The following SLC24A2 variants were observed in gnomAD, a reference collection of about 807,000 sequenced individuals.
SLC24A2 encodes the protein solute carrier family 24 member 2.
A neutral mutation model predicts 62.0 loss-of-function variants in SLC24A2; 36 were observed. The observed-to-expected ratio is 0.58, with a 90% CI of 0.44 to 0.77. The LOEUF is 0.77. Among genes scored for constraint, SLC24A2 ranks in the 30% least tolerant of loss-of-function variants. The pLI is 0.00. For missense variants in SLC24A2, 846 were observed against 817.9 expected (o/e 1.03, Z -0.42); for synonymous variants, 358 against 294.0 (o/e 1.22, Z -2.23).
intron 5 of SLC24A2, among the ~76,000 whole-genome samples, chr9:19,592,223 G>A (rs113267322): frequency 0.02 from 3,101 of 152,290 alleles, 43 homozygotes; most frequent in Non-Finnish European, 0.027. Flanking sequence ...TAAAGGGGCA[G>A]TTGGTTGCCA....
At chr9:20,103,701 A>C in the SLC24A2 span, among the ~76,000 whole-genome samples, 4 of 152,208 alleles carry the variant, frequency 2.6e-5, no homozygotes, top group African/African-American at 9.7e-5. Context: ...CCACCTGTAC[A>C]TCACCATCAT....
At chr9:20,016,821 A>G in the SLC24A2 span, among the ~76,000 whole-genome samples, 2 of 152,178 alleles carry the variant, frequency 1.3e-5, no homozygotes, top group South Asian at 4.1e-4. Flanking sequence ...GAGGAGAGTG[A>G]AACCACAGAA....
the SLC24A2 span, among the ~76,000 whole-genome samples, chr9:19,827,575 C>T: frequency 1.3e-5 from 2 of 151,960 alleles, no homozygotes; most frequent in Admixed American, 6.6e-5. Context: ...TATATTTTTA[C>T]ATTTCTGGAA....
the SLC24A2 span, among the ~76,000 whole-genome samples, chr9:20,201,480 G>C: frequency 7.9e-5 from 12 of 152,180 alleles, no homozygotes; most frequent in African/African-American, 2.4e-4. Flanking sequence ...GACAGTAACA[G>C]CTCGACAATT....
chr9:19,988,934 A>C, the SLC24A2 span, among the ~76,000 whole-genome samples: 1 of 152,204 alleles, frequency 6.6e-6, no homozygotes, highest in African/African-American at 2.4e-5. Flanking sequence ...AAAGATGCTC[A>C]CAGACATTAG....
chr9:20,150,955 T>G, the SLC24A2 span, among the ~76,000 whole-genome samples: 2 of 151,958 alleles, frequency 1.3e-5, no homozygotes, highest in Non-Finnish European at 2.9e-5. Flanking sequence ...AGGGAATATG[T>G]ATTACTCTTA....
chr9:19,780,134 C>T (rs762697637), intron 2 of SLC24A2, among the ~76,000 whole-genome samples: 1 of 152,184 alleles, frequency 6.6e-6, no homozygotes, highest in African/African-American at 2.4e-5. Context: ...AAATTCTAGA[C>T]TTCGAATTAT....
the SLC24A2 span, among the ~76,000 whole-genome samples, chr9:20,049,801 G>A: frequency 2.6e-5 from 4 of 152,118 alleles, no homozygotes; most frequent in East Asian, 1.9e-4. Context: ...AGTTTTGGCA[G>A]CAATCACTGG....
the SLC24A2 span, among the ~76,000 whole-genome samples, chr9:20,186,610 A>G: frequency 1.3e-5 from 2 of 152,170 alleles, no homozygotes; most frequent in Non-Finnish European, 2.9e-5. Context: ...AGCATTCCCA[A>G]GTTCAAATCC....
the SLC24A2 span, among the ~76,000 whole-genome samples, chr9:20,144,628 G>A: frequency 6.6e-6 from 1 of 152,264 alleles, no homozygotes; most frequent in South Asian, 2.1e-4. Flanking sequence ...AGGGTAGTGG[G>A]TGCAGGCATC....
chr9:20,001,615 A>G, the SLC24A2 span, among the ~76,000 whole-genome samples: 4 of 152,166 alleles, frequency 2.6e-5, no homozygotes, highest in East Asian at 3.9e-4. Context: ...AGTTTGGTGG[A>G]TATTCATCTC....
At chr9:19,544,255 C>CTTTCT in intron 8 of SLC24A2, among the ~76,000 whole-genome samples, 1 of 124,028 alleles carries the variant, frequency 8.1e-6, no homozygotes, top group African/African-American at 3.1e-5. Flanking sequence ...GCAACCCCTG[C>CTTTCT]TTTTTTTTTT....
chr9:20,155,170 G>A, the SLC24A2 span, among the ~76,000 whole-genome samples: 3 of 151,260 alleles, frequency 2.0e-5, no homozygotes, highest in African/African-American at 7.3e-5. Context: ...AAACTAGGGT[G>A]GCAATTAGCT....
Position 19,606,044 on chromosome 9 carries a change from T to G in SLC24A2, c.1079-8765A>C, listed in dbSNP as rs191833580. On this transcript the variant is annotated intron_variant, in intron 4 of 10. Coordinates refer to ENST00000341998, the MANE Select transcript of SLC24A2 (RefSeq NM_020344.4). Reference sequence around the variant, plus strand: ...GGTTTTTCTAAATGGGCACATTGTGTGATGTCACCTTTGAACTCCTAGAAT... The same window carrying G: ...GGTTTTTCTAAATGGGCACATTGTGGGATGTCACCTTTGAACTCCTAGAAT... Among the ~76,000 whole-genome samples the G allele has an allele frequency of 4.0e-3, 602 of 152,344 alleles. 1 individual carries two copies. The highest frequency in any genetic ancestry group is 8.8e-3 in the Admixed American group (135 of 15,300).
the SLC24A2 span, among the ~76,000 whole-genome samples, chr9:20,287,237 T>A: frequency 1.3e-5 from 2 of 152,200 alleles, no homozygotes; most frequent in African/African-American, 4.8e-5. Context: ...AATGGGACAT[T>A]TCTTGCAGGA....
the SLC24A2 span, among the ~76,000 whole-genome samples, chr9:19,865,708 T>C: frequency 6.6e-6 from 1 of 152,094 alleles, no homozygotes; most frequent in Non-Finnish European, 1.5e-5. Flanking sequence ...ATAAAAATGG[T>C]TTAGACTTAA....
At chr9:19,543,376 C>T (rs1416344319) in intron 8 of SLC24A2, among the ~76,000 whole-genome samples, 1 of 142,922 alleles carries the variant, frequency 7.0e-6, no homozygotes, top group Non-Finnish European at 1.5e-5. Context: ...AAGAAACCAG[C>T]TCCTGGATTC....
At chr9:20,158,124 G>A in the SLC24A2 span, among the ~76,000 whole-genome samples, 8 of 151,672 alleles carry the variant, frequency 5.3e-5, no homozygotes, top group African/African-American at 1.9e-4. Flanking sequence ...ACTAAAAAAT[G>A]GATATGGAAA....
the SLC24A2 span, among the ~76,000 whole-genome samples, chr9:19,862,189 A>T: frequency 2.6e-5 from 4 of 152,158 alleles, no homozygotes; most frequent in East Asian, 7.7e-4. Flanking sequence ...GATTCTAAAA[A>T]CAACAAATGA....
Sources: allele counts gnomAD v4.1 joint callset (sites outside exome capture counted in the v4.1 genomes callset), GRCh38; gene constraint gnomAD v4.1.1; transcripts MANE v1.5; gene names NCBI Gene and HGNC (gene_info 2026-07-23, HGNC 2026-07-21).